The following NOS1 variants were observed in gnomAD, a reference collection of about 807,000 sequenced individuals.
NOS1 encodes nitric oxide synthase 1, also known as NOS type I.
Under a neutral mutation model 164.5 loss-of-function variants are expected in NOS1, and 51 were observed. The observed-to-expected ratio is 0.31, with a 90% CI of 0.25 to 0.39. NOS1 has a LOEUF of 0.39. NOS1 is among the 10% of genes least tolerant of loss of function. NOS1 has a pLI of 1.00. For missense variants in NOS1, 1,362 were observed against 1,885.6 expected, an observed-to-expected ratio of 0.72 and a Z score of 5.14; for synonymous variants, 719 against 745.8, an observed-to-expected ratio of 0.96 and a Z score of 0.59.
intron 20 of NOS1, among the ~76,000 whole-genome samples, chr12:117,238,220 T>G (rs1030570622): frequency 6.6e-6 from 1 of 152,136 alleles, no homozygotes; most frequent in East Asian, 1.9e-4. Context: ...AGTGACAGGC[T>G]TCAATTTATG....
At position 117,213,115 on chromosome 12, in the gene NOS1, G is replaced by T. The variant is rs762068243; in HGVS notation, c.*2194C>A. On this transcript the variant is annotated 3_prime_UTR_variant, in exon 29 of 29. Transcript: ENST00000317775. ...AGGAGGTGCCTGGCACCTTGTAAGC[G>T]CTTCTAAGTATTTATTCCCTGATGG... 1.0e-6 allele frequency: 1 copy of T among 985,462 alleles called. No homozygotes were observed. The highest frequency in any genetic ancestry group is 1.2e-6 in the Non-Finnish European group (1 of 829,944). The allele number at this position is 985,462 out of a possible 1,614,324, so 61.0% of individuals were successfully genotyped here.
intron 10 of NOS1, among the ~76,000 whole-genome samples, chr12:117,269,097 T>C (rs1872627347): frequency 6.6e-6 from 1 of 151,418 alleles, no homozygotes; most frequent in Non-Finnish European, 1.5e-5. Flanking sequence ...AGGAAGAAAA[T>C]AAGGAAATGG....
At chr12:117,262,242 T>C (rs2682819) in intron 13 of NOS1, among the ~76,000 whole-genome samples, 86,708 of 151,926 alleles carry the variant, frequency 0.57, 28,060 homozygotes, top group African/African-American at 0.88. Flanking sequence ...CTTAATAGTG[T>C]AATTAATGTT....
rs759390114 is a variant in NOS1, at chr12:117,272,334, G to T, written c.1839+51C>A. 5 of 1,599,432 alleles carry T rather than the reference G, an allele frequency of 3.1e-6. No individual in the cohort carries two copies. The highest frequency in any genetic ancestry group is 1.7e-6 in the Non-Finnish European group (2 of 1,168,280). On this transcript the variant is annotated intron_variant, in intron 10 of 28. Coordinates refer to ENST00000317775, the MANE Select transcript of NOS1 (RefSeq NM_000620.5). The surrounding 1 kb of genome is among the most constrained non-coding windows in gnomAD (Gnocchi z 4.3). ...CGTGGGGAAGGGGACTGCTGAGCTG[G>T]CACCCTCTGCTATGTGCTTTTCCCC...
intron 2 of NOS1, among the ~76,000 whole-genome samples, chr12:117,318,893 C>T (rs756998670): frequency 1.1e-4 from 17 of 152,210 alleles, no homozygotes; most frequent in Non-Finnish European, 2.2e-4. Flanking sequence ...CATGCTCCAA[C>T]AGCCTTGGTT....
In NOS1 at chr12:117,317,243, C is replaced by T. The variant is rs147439165; in HGVS notation, c.726-5651G>A. 6.8e-3 allele frequency among the ~76,000 whole-genome samples: 1,036 copies of T among 151,952 alleles called. 4 individuals are homozygous for T. The highest frequency in any genetic ancestry group is 0.014 in the Middle Eastern group (4 of 294). ...TCACAGAAGGAGATGGACAGGGCCT[C>T]TTTTGACTTCTGAGATGTCTGGATG... On this transcript the variant is annotated intron_variant, in intron 2 of 28. Coordinates refer to ENST00000317775, the MANE Select transcript of NOS1 (RefSeq NM_000620.5).
intron 13 of NOS1, among the ~76,000 whole-genome samples, chr12:117,261,178 CAAAA>C (rs534260940): frequency 9.6e-4 from 74 of 77,260 alleles, no homozygotes; most frequent in Non-Finnish European, 1.5e-3. Flanking sequence ...GACTCTGCCT[CAAAA>C]AAAAAAAAAA....
At chr12:117,233,391 T>A (rs1321012433) in intron 21 of NOS1, among the ~76,000 whole-genome samples, 1 of 151,456 alleles carries the variant, frequency 6.6e-6, no homozygotes, top group Non-Finnish European at 1.5e-5. Context: ...AGAGATGCAG[T>A]TTTGCCATGT....
At position 117,208,563 on chromosome 12, in the gene NOS1, C is replaced by T. The variant is rs993661858; in HGVS notation, c.*6746G>A. The T allele has an allele frequency of 7.3e-5, 88 of 1,203,112 alleles. No individual in the cohort carries two copies. The African/African-American group carries it at 9.8e-4, about 13-fold the overall frequency. 74.5% of individuals were successfully genotyped at this position (1,203,112 alleles called of 1,614,324 possible). A position where few individuals can be genotyped will look rare whatever the true frequency, so the allele number is the denominator to read the frequency against. The stretch of plus-strand genomic sequence containing the variant: ...GGAGTGTGAGTCTTAACAATCACAA[C>T]GAGAACACAACAATGAAAACAGTGG... On this transcript the variant is annotated 3_prime_UTR_variant, in exon 29 of 29. Transcript: ENST00000317775.
Position 117,354,113 on chromosome 12 carries a change from G to A in NOS1, c.-421+7399C>T, listed in dbSNP as rs562850062. Among the ~76,000 whole-genome samples, 23 of 152,266 alleles carry A rather than the reference G, an allele frequency of 1.5e-4. No individual in the cohort carries two copies. In the South Asian group the frequency reaches 3.9e-3, roughly 26 times the overall value. ...TCAAAAGCCCAATAAGATATCACTA[G>A]TAGGGAGATTCAGAAAGAGATATCA... On this transcript the variant is annotated intron_variant, in intron 1 of 28. Coordinates refer to ENST00000317775, the MANE Select transcript of NOS1 (RefSeq NM_000620.5).
At chr12:117,304,438 C>T (rs916700876) in intron 3 of NOS1, among the ~76,000 whole-genome samples, 1 of 152,268 alleles carries the variant, frequency 6.6e-6, no homozygotes, top group East Asian at 1.9e-4. Flanking sequence ...GCATTTTGTG[C>T]TCCTCTTTAT....
intron 3 of NOS1, among the ~76,000 whole-genome samples, chr12:117,311,209 C>G (rs757421599): frequency 6.7e-6 from 1 of 149,890 alleles, no homozygotes; most frequent in East Asian, 2.0e-4. Context: ...CATGTGAATG[C>G]CTTTCCCAGA....
intron 27 of NOS1, among the ~76,000 whole-genome samples, chr12:117,219,128 G>A (rs548632243): frequency 1.3e-5 from 2 of 151,506 alleles, no homozygotes; most frequent in African/African-American, 2.4e-5. Flanking sequence ...ACAGGCATGC[G>A]CCACTACGCC....
chr12:117,326,852 T>A (rs1351754021), intron 2 of NOS1, among the ~76,000 whole-genome samples: 1 of 152,124 alleles, frequency 6.6e-6, no homozygotes, highest in African/African-American at 2.4e-5. Context: ...TCCCGTGAAG[T>A]CCTCCACATC....
At chr12:117,350,160 A>C (rs1320657125) in intron 1 of NOS1, among the ~76,000 whole-genome samples, 1 of 152,188 alleles carries the variant, frequency 6.6e-6, no homozygotes, top group African/African-American at 2.4e-5. Context: ...GGAAGTCAGC[A>C]GTAAAATCTC....
In NOS1 at chr12:117,211,319, G is replaced by A. The variant is rs11616132; in HGVS notation, c.*3990C>T. ...CTACAATGGATGGGGTGCCAGGTAC[G>A]CTGATTCAGTTCCTGGAGTCTCTTT... On this transcript the variant is annotated 3_prime_UTR_variant, in exon 29 of 29. Transcript: ENST00000317775. 0.072 allele frequency: 70,896 copies of A among 985,176 alleles called. 2,740 individuals carry two copies. The highest frequency in any genetic ancestry group is 0.078 in the Non-Finnish European group (64,797 of 829,858). The allele number at this position is 985,176 out of a possible 1,614,324, so 61.0% of individuals were successfully genotyped here.
In NOS1 at chr12:117,234,845, C is replaced by T; in HGVS notation, c.3042-87G>A. 2.7e-6 allele frequency: 3 copies of T among 1,124,824 alleles called. No homozygotes were observed. In the Admixed American group the frequency reaches 7.3e-5, roughly 28 times the overall value. The allele number at this position is 1,124,824 out of a possible 1,614,324, so 69.7% of individuals were successfully genotyped here. ...CTCTTCTGTCTGTCCTTGTTGGCTG[C>T]AATTCTCCTCCTTCCATTCTTGTTG... is the stretch of plus-strand genomic sequence containing the variant. On this transcript the variant is annotated intron_variant, in intron 20 of 28. Coordinates refer to ENST00000317775, the MANE Select transcript of NOS1 (RefSeq NM_000620.5). The surrounding 1 kb of genome is among the most constrained non-coding windows in gnomAD (Gnocchi z 4.3).
intron 3 of NOS1, among the ~76,000 whole-genome samples, chr12:117,306,816 C>T (rs372326446): frequency 5.9e-5 from 9 of 152,128 alleles, no homozygotes; most frequent in African/African-American, 1.7e-4. Context: ...GATGGAGTTT[C>T]GCCATGTTGG....
intron 7 of NOS1, among the ~76,000 whole-genome samples, chr12:117,282,369 C>T (rs541886394): frequency 5.9e-5 from 9 of 152,314 alleles, no homozygotes; most frequent in Non-Finnish European, 1.0e-4. Context: ...GATGGCATCT[C>T]GGGTCCAACT....
Sources: gnomAD v4.1 joint callset for allele counts (sites outside exome capture counted in the v4.1 genomes callset) on GRCh38, gnomAD v4.1.1 for gene constraint, Gnocchi (gnomAD v3.1) non-coding constraint, MANE v1.5 for transcripts, NCBI Gene and HGNC (gene_info 2026-07-23, HGNC 2026-07-21) for gene names.